The following ITGB5 variants were observed in gnomAD, a reference collection of about 807,000 sequenced individuals.
ITGB5 encodes the protein integrin beta-5.
Under a neutral mutation model 84.8 loss-of-function variants are expected in ITGB5, and 38 were observed. The observed-to-expected ratio is 0.45, with a 90% CI of 0.35 to 0.59. The LOEUF (loss-of-function observed/expected upper bound fraction) is 0.59, where lower values mean the gene tolerates loss of function less well. Ranked by LOEUF, ITGB5 falls within the 20% of genes least tolerant of loss-of-function variation. The pLI is 0.01. For missense variants in ITGB5, 905 were observed against 1,034.5 expected (o/e 0.87, Z 1.72); for synonymous variants, 393 against 414.4 (o/e 0.95, Z 0.63).
intron 2 of ITGB5, among the ~76,000 whole-genome samples, chr3:124,859,690 TTTG>T (rs2065269829): frequency 1.3e-5 from 2 of 152,256 alleles, no homozygotes; most frequent in South Asian, 4.2e-4. Flanking sequence ...AATGTTCGGT[TTTG>T]TTGTTATTTT....
intron 9 of ITGB5, among the ~76,000 whole-genome samples, chr3:124,801,547 G>T (rs529731137): frequency 2.3e-4 from 35 of 152,262 alleles, no homozygotes; most frequent in African/African-American, 8.2e-4. Flanking sequence ...AGGTCCATCT[G>T]GCTGCCCCTC....
intron 5 of ITGB5, among the ~76,000 whole-genome samples, chr3:124,830,540 C>T (rs1455764182): frequency 1.3e-5 from 2 of 152,182 alleles, no homozygotes; most frequent in East Asian, 1.9e-4. Context: ...ACAGAGAAAA[C>T]ATGTAGCACC....
chr3:124,889,257 C>A (rs2107658386), upstream of ITGB5, among the ~76,000 whole-genome samples: 1 of 152,304 alleles, frequency 6.6e-6, no homozygotes, highest in African/African-American at 2.4e-5. Context: ...AATGCAGATT[C>A]ACTGAGCCAG....
At chr3:124,843,314 G>A (rs1281197758) in intron 4 of ITGB5, among the ~76,000 whole-genome samples, 2 of 152,260 alleles carry the variant, frequency 1.3e-5, no homozygotes, top group African/African-American at 4.8e-5. Context: ...ATCCTGCCCT[G>A]GCCTATGTGG....
intron 5 of ITGB5, among the ~76,000 whole-genome samples, chr3:124,823,974 G>A (rs968042424): frequency 3.3e-5 from 5 of 152,278 alleles, no homozygotes; most frequent in East Asian, 3.9e-4. Context: ...ATCATTTCAG[G>A]ATTGGAAGAG....
intron 5 of ITGB5, among the ~76,000 whole-genome samples, chr3:124,826,023 A>G (rs2064780730): frequency 6.6e-6 from 1 of 152,260 alleles, no homozygotes; most frequent in African/African-American, 2.4e-5. Flanking sequence ...TATCTACAAT[A>G]TAAGATGAAA....
intron 1 of ITGB5, among the ~76,000 whole-genome samples, chr3:124,874,306 GAAAAAAA>G (rs59287818): frequency 0.19 from 21,903 of 113,440 alleles, 1,807 homozygotes; most frequent in South Asian, 0.27. Context: ...TCAAAAGCCG[GAAAAAAA>G]AAAAAAAAAA....
At chr3:124,876,633 T>C (rs1006691104) in intron 1 of ITGB5, among the ~76,000 whole-genome samples, 1 of 152,176 alleles carries the variant, frequency 6.6e-6, no homozygotes, top group Non-Finnish European at 1.5e-5. Flanking sequence ...GCTGAGAGGC[T>C]AGGAAGAAAG....
chr3:124,820,337 G>A (rs909337141), intron 6 of ITGB5, among the ~76,000 whole-genome samples: 2 of 152,144 alleles, frequency 1.3e-5, no homozygotes, highest in African/African-American at 2.4e-5. Flanking sequence ...TGGCTCAGAC[G>A]GGCAGAGGAG....
chr3:124,819,920 G>A, intron 6 of ITGB5, 86 bp from the exon 7 acceptor site: 3 of 969,664 alleles, frequency 3.1e-6, no homozygotes, highest in Non-Finnish European at 5.1e-6. Context: ...TCAGCAGCCA[G>A]CATTTGCCAG....
upstream of ITGB5, among the ~76,000 whole-genome samples, chr3:124,889,108 G>A (rs61759459): frequency 6.6e-6 from 1 of 152,286 alleles, no homozygotes; most frequent in Non-Finnish European, 1.5e-5. Context: ...TAGCTAAGAA[G>A]CTACATACCT....
intron 9 of ITGB5, among the ~76,000 whole-genome samples, chr3:124,798,027 T>G (rs2064257593): frequency 6.7e-6 from 1 of 150,308 alleles, no homozygotes; most frequent in African/African-American, 2.4e-5. Context: ...TTACTATTCT[T>G]AATTCTATTC....
chr3:124,836,634 G>A (rs967521763), intron 5 of ITGB5, among the ~76,000 whole-genome samples: 9 of 152,090 alleles, frequency 5.9e-5, no homozygotes, highest in African/African-American at 1.9e-4. Flanking sequence ...TAGTCCCTGT[G>A]ATACTCAGTT....
intron 3 of ITGB5, among the ~76,000 whole-genome samples, chr3:124,854,558 T>C (rs1265651): frequency 0.18 from 27,510 of 152,016 alleles, 2,634 homozygotes; most frequent in Admixed American, 0.21. Context: ...TGCAAAACTA[T>C]ATAGAGAGAA....
intron 1 of ITGB5, chr3:124,878,655 G>A (rs948554748): frequency 9.2e-5 from 14 of 152,120 alleles, no homozygotes; most frequent in Admixed American, 3.9e-4. Context: ...GTACCAGACA[G>A]GTACTCCAGG....
Position 124,819,956 on chromosome 3 carries a change from C to T in ITGB5, c.943-122G>A, listed in dbSNP as rs2064675307. On this transcript the variant is annotated intron_variant, in intron 6 of 14. Transcript: ENST00000296181. ...GGAAGCACCTTTTCCTTAGGTGGCC[C>T]CTTAGAGTCCCTTAATAACTAAGCC... is the stretch of plus-strand genomic sequence containing the variant. 7 of 745,376 alleles carry T rather than the reference C, an allele frequency of 9.4e-6. No homozygotes were observed. In the Middle Eastern group the frequency reaches 7.3e-4, roughly 78 times the overall value. 46.2% of individuals were successfully genotyped at this position (745,376 alleles called of 1,614,324 possible).
chr3:124,830,411 C>T (rs2064844014), intron 5 of ITGB5, among the ~76,000 whole-genome samples: 2 of 152,220 alleles, frequency 1.3e-5, no homozygotes, highest in South Asian at 4.1e-4. Flanking sequence ...TAGCAGAGTT[C>T]ATGGTCACTG....
intron 10 of ITGB5, chr3:124,787,877 T>A (rs1055823360): frequency 6.6e-6 from 1 of 151,746 alleles, no homozygotes; most frequent in Non-Finnish European, 1.5e-5. Flanking sequence ...GCTTTTCAAG[T>A]GAACTTGAGT....
chr3:124,875,603 A>C (rs1433473055), intron 1 of ITGB5, among the ~76,000 whole-genome samples: 1 of 152,072 alleles, frequency 6.6e-6, no homozygotes, highest in Non-Finnish European at 1.5e-5. Context: ...AATGATATGG[A>C]GGTTCCTTAA....
Sources: allele counts gnomAD v4.1 joint callset (sites outside exome capture counted in the v4.1 genomes callset), GRCh38; gene constraint gnomAD v4.1.1; transcripts MANE v1.5; gene names NCBI Gene and HGNC (gene_info 2026-07-23, HGNC 2026-07-21).